DDX43: variants seen among roughly 807,000 people sequenced by gnomAD.
DDX43 encodes the protein probable ATP-dependent RNA helicase DDX43.
In DDX43, 50 loss-of-function variants were observed where a neutral mutation model predicts 84.9. The observed-to-expected ratio is 0.59, with a 90% CI of 0.47 to 0.75. DDX43 has a LOEUF of 0.75. Among genes scored for constraint, DDX43 ranks in the 30% least tolerant of loss-of-function variants. The probability of loss-of-function intolerance (pLI) is 0.00; values close to 1 mark genes in which losing one functional copy is unlikely to be tolerated. For synonymous variants in DDX43, 291 were observed against 266.3 expected, an observed-to-expected ratio of 1.09 and a Z score of -0.90; for missense variants, 689 against 798.6, an observed-to-expected ratio of 0.86 and a Z score of 1.65.
intron 4 of DDX43, among the ~76,000 whole-genome samples, chr6:73,403,104 G>C (rs1233206507): frequency 3.3e-5 from 5 of 152,224 alleles, no homozygotes; most frequent in Admixed American, 1.3e-4. Flanking sequence ...TAAACAGTTT[G>C]TGTTGGGAAG....
intron 4 of DDX43, 146 bp downstream of exon 4, chr6:73,402,136 T>C (rs931842500): frequency 9.9e-7 from 1 of 1,009,278 alleles, no homozygotes; most frequent in African/African-American, 1.7e-5. Flanking sequence ...CCCTAGGTTA[T>C]GATAGTTTCT....
At chr6:73,398,566 TTAGAGA>T (rs1769514442) in intron 2 of DDX43, among the ~76,000 whole-genome samples, 1 of 152,044 alleles carries the variant, frequency 6.6e-6, no homozygotes, top group Non-Finnish European at 1.5e-5. Context: ...GTAAAAATCG[TTAGAGA>T]TAATCTGCAT....
Position 73,412,664 on chromosome 6 carries a change from TGTGTGCGCGCGCGC to T in DDX43, c.1368+378_1368+391del, listed in dbSNP as rs1327452153. On this transcript the variant is annotated intron_variant, in intron 11 of 16. Transcript: ENST00000370336. The stretch of plus-strand genomic sequence containing the variant: ...GTGTGTGTGTGTGTGTGTGTGTGTG[TGTGTGCGCGCGCGC>T]GTGTGTGTGTGTGCGCGTGCGTGCG... Among the ~76,000 whole-genome samples the T allele has an allele frequency of 7.1e-4, 63 of 88,862 alleles. 2 individuals carry two copies. The highest frequency in any genetic ancestry group is 5.2e-3 in the South Asian group (12 of 2,302). 58.3% of individuals were successfully genotyped at this position (88,862 alleles called of 152,430 possible).
At chr6:73,399,505 G>A (rs1056365497) in intron 2 of DDX43, among the ~76,000 whole-genome samples, 1 of 152,094 alleles carries the variant, frequency 6.6e-6, no homozygotes, top group African/African-American at 2.4e-5. Context: ...CTGTGTAGCT[G>A]TCCATTTCCA....
At chr6:73,403,030 A>T (rs1158224979) in intron 4 of DDX43, among the ~76,000 whole-genome samples, 2 of 152,260 alleles carry the variant, frequency 1.3e-5, no homozygotes, top group Non-Finnish European at 2.9e-5. Context: ...ATGTTACCAA[A>T]ATATTGACAG....
Position 73,414,076 on chromosome 6 carries a change from A to G in DDX43, c.1603A>G (p.Thr535Ala). The change falls in exon 13 of 17, where the codon ACA becomes GCA. Residue 535 changes from threonine (T) to alanine (A), a missense_variant. Thr to Ala is a moderately conservative substitution (Grantham distance 58). Coordinates refer to ENST00000370336, the MANE Select transcript of DDX43 (RefSeq NM_018665.3). ...GGAGAAAGCATTAGAGAACTTTAAA[A>G]CAGGTATGTTTATGTAATTAGTATT... ...DREKALENFK[T>A]GKVRILIATD... The G allele has an allele frequency of 6.4e-7, 1 of 1,568,994 alleles. No homozygotes were observed. The highest frequency in any genetic ancestry group is 8.8e-7 in the Non-Finnish European group (1 of 1,139,062).
intron 2 of DDX43, among the ~76,000 whole-genome samples, chr6:73,398,728 T>C (rs1769517382): frequency 6.6e-6 from 1 of 152,198 alleles, no homozygotes; most frequent in African/African-American, 2.4e-5. Flanking sequence ...GCTCTTGTAT[T>C]CTCAATCTTA....
rs760898350 is a variant in DDX43, at chr6:73,413,763, G to A, written c.1474G>A (p.Val492Ile). The A allele has an allele frequency of 6.8e-6, 11 of 1,613,042 alleles. No individual in the cohort carries two copies. In the African/African-American group the frequency reaches 1.5e-4, roughly 22 times the overall value. ...QSMSSTDKVI[V>I]FVSRKAVADH... The stretch of plus-strand genomic sequence containing the variant: ...TATGTCATCCACAGACAAAGTCATT[G>A]TCTTCGTTTCTCGAAAAGCTGTGTA... Residue 492 changes from valine to isoleucine, a missense_variant, in exon 12 of 17, where the codon GTC becomes ATC. Val to Ile is a conservative substitution (Grantham distance 29). Coordinates refer to ENST00000370336, the MANE Select transcript of DDX43 (RefSeq NM_018665.3).
At chr6:73,397,431 C>T (rs1016739905) in intron 1 of DDX43, among the ~76,000 whole-genome samples, 49 of 152,176 alleles carry the variant, frequency 3.2e-4, no homozygotes, top group African/African-American at 1.1e-3. Flanking sequence ...ATCCTCTCCA[C>T]CAGTTTGGAC....
intron 2 of DDX43, among the ~76,000 whole-genome samples, chr6:73,399,874 G>A (rs1445484519): frequency 1.3e-5 from 2 of 152,076 alleles, no homozygotes; most frequent in African/African-American, 4.8e-5. Flanking sequence ...TAAAATTAGC[G>A]AAACAAATAC....
chr6:73,405,748 C>A lies in DDX43; in HGVS notation c.720C>A (p.Thr240=). ...AGAAACGACCTATCCCCAATCCTACCTGCACATTTGATGACGCCTTTCAAT... is the reference window on the plus strand; with the variant it reads ...AGAAACGACCTATCCCCAATCCTACATGCACATTTGATGACGCCTTTCAAT... ...DGEKRPIPNP[T]CTFDDAFQCY... Residue 240 remains threonine (T), a synonymous_variant, in exon 6 of 17, where the codon ACC becomes ACA. Transcript: ENST00000370336. 2 of 1,614,084 alleles carry A rather than the reference C, an allele frequency of 1.2e-6. No homozygotes were observed. Among genetic ancestry groups the A allele is most frequent in the South Asian group, 2.2e-5 (2 of 91,072 alleles).
intron 11 of DDX43, among the ~76,000 whole-genome samples, chr6:73,412,986 C>A (rs553848089): frequency 1.3e-5 from 2 of 152,250 alleles, no homozygotes; most frequent in Non-Finnish European, 2.9e-5. Context: ...CCTTGGCCTC[C>A]CAAAGTGCTG....
At chr6:73,398,098 A>G (rs998642308) in intron 2 of DDX43, 7 of 175,674 alleles carry the variant, frequency 4.0e-5, no homozygotes, top group Non-Finnish European at 6.0e-5. Flanking sequence ...GGCATGAGCC[A>G]CTGCACCAGG....
chr6:73,396,727 C>G (rs1189806981), intron 1 of DDX43, among the ~76,000 whole-genome samples: 2 of 152,200 alleles, frequency 1.3e-5, no homozygotes, highest in Non-Finnish European at 2.9e-5. Context: ...GAACAGCTCC[C>G]CATTTTTTCC....
At chr6:73,401,280 T>C (rs1380318242) in intron 3 of DDX43, among the ~76,000 whole-genome samples, 3 of 152,226 alleles carry the variant, frequency 2.0e-5, no homozygotes, top group African/African-American at 7.2e-5. Context: ...GCCTGGCTCT[T>C]CATCTACTCA....
At chr6:73,413,830 T>A in intron 12 of DDX43, 45 bp downstream of exon 12, 2 of 1,583,658 alleles carry the variant, frequency 1.3e-6, no homozygotes, top group Non-Finnish European at 1.7e-6. Flanking sequence ...ATTAAATTGA[T>A]TAGGATCATT....
chr6:73,405,851 T>C lies in DDX43; in HGVS notation c.807+16T>C. The C allele has an allele frequency of 6.2e-7, 1 of 1,609,422 alleles. No homozygotes were observed. The highest frequency in any genetic ancestry group is 8.5e-7 in the Non-Finnish European group (1 of 1,177,432). Reference sequence around the variant, plus strand: ...ACCTATTCAGGTATGCTTTCATTAATTACAATATTTCACTCAATGTTTTTC... The same window carrying C: ...ACCTATTCAGGTATGCTTTCATTAACTACAATATTTCACTCAATGTTTTTC... On this transcript the variant is annotated intron_variant, in intron 6 of 16. Transcript: ENST00000370336.
At chr6:73,412,384 T>C in intron 11 of DDX43, 92 bp downstream of exon 11, 1 of 913,942 alleles carries the variant, frequency 1.1e-6, no homozygotes, top group South Asian at 1.5e-5. Context: ...CACTCCCCAA[T>C]TTTAGGGCAA....
intron 1 of DDX43, 129 bp downstream of exon 1, chr6:73,395,284 G>A: frequency 8.4e-7 from 1 of 1,197,454 alleles, no homozygotes; most frequent in Non-Finnish European, 1.1e-6. Context: ...CTCTCCCAGA[G>A]CTATTTGTAA....
Sources: gnomAD v4.1 joint callset for allele counts (sites outside exome capture counted in the v4.1 genomes callset) on GRCh38, gnomAD v4.1.1 for gene constraint, MANE v1.5 for transcripts, NCBI Gene and HGNC (gene_info 2026-07-23, HGNC 2026-07-21) for gene names.